Variants in AKAP6 observed in about 807,000 individuals in gnomAD.
The protein encoded by AKAP6 is A-kinase anchor protein 6.
A neutral mutation model predicts 188.5 loss-of-function variants in AKAP6; 58 were observed. That is an observed-to-expected ratio of 0.31 (90% confidence interval 0.25 to 0.38). The LOEUF (loss-of-function observed/expected upper bound fraction) is 0.38. Among genes scored for constraint, AKAP6 ranks in the 10% least tolerant of loss-of-function variants. The pLI is 1.00. For synonymous variants in AKAP6, 989 were observed against 998.6 expected (o/e 0.99, Z 0.18); for missense variants, 2,710 against 2,740.0 (o/e 0.99, Z 0.24).
chr14:32,607,954 A>G lies in AKAP6; in HGVS notation c.2730+7162A>G, dbSNP rs76223031. ...AACTTTTCTTCAAAAATATTTTTTG[A>G]AAGACAGAAACAAAAGTGAGTTACT... On this transcript the variant is annotated intron_variant, in intron 7 of 13. Transcript: ENST00000280979. Among the ~76,000 whole-genome samples, 1,162 of 152,222 alleles carry G rather than the reference A, an allele frequency of 7.6e-3. 17 individuals carry two copies. The highest frequency in any genetic ancestry group is 0.027 in the African/African-American group (1,103 of 41,540).
rs1882649249 is a variant in AKAP6, at chr14:32,535,810, G to T, written c.576+5G>T. 6.2e-7 allele frequency: 1 copy of T among 1,605,060 alleles called. No homozygotes were observed. Among genetic ancestry groups the T allele is most frequent in the Non-Finnish European group, 8.5e-7 (1 of 1,173,548 alleles). On this transcript the variant is annotated splice_donor_5th_base_variant and intron_variant, in intron 3 of 13. Coordinates refer to ENST00000280979, the MANE Select transcript of AKAP6 (RefSeq NM_004274.5). ...TTCTCTGAAGAGACAAAAGAGGTGAGTGTTTTCCTTGAAGTTAAGCAATGC... is the reference window on the plus strand; with the variant it reads ...TTCTCTGAAGAGACAAAAGAGGTGATTGTTTTCCTTGAAGTTAAGCAATGC...
At chr14:32,667,487 A>C (rs1222985722) in intron 7 of AKAP6, among the ~76,000 whole-genome samples, 2 of 152,110 alleles carry the variant, frequency 1.3e-5, no homozygotes, top group Non-Finnish European at 2.9e-5. Flanking sequence ...AAATGACTTG[A>C]TTCAGCACTT....
At chr14:32,766,891 A>C (rs1277134810) in intron 11 of AKAP6, among the ~76,000 whole-genome samples, 1 of 152,216 alleles carries the variant, frequency 6.6e-6, no homozygotes, top group East Asian at 1.9e-4. Flanking sequence ...CTAACCCAAC[A>C]TGATGAATAT....
intron 12 of AKAP6, among the ~76,000 whole-genome samples, chr14:32,800,209 C>T (rs12879052): frequency 1.4e-5 from 2 of 143,102 alleles, no homozygotes; most frequent in African/African-American, 5.4e-5. Flanking sequence ...CATATATATA[C>T]ACACATCTAT....
chr14:32,500,656 C>A (rs1376487877), intron 2 of AKAP6, among the ~76,000 whole-genome samples: 1 of 152,062 alleles, frequency 6.6e-6, no homozygotes, highest in Non-Finnish European at 1.5e-5. Flanking sequence ...CTGAGAAGTT[C>A]TGTACTTTAG....
intron 9 of AKAP6, among the ~76,000 whole-genome samples, chr14:32,732,078 G>A (rs1461313399): frequency 6.6e-6 from 1 of 151,798 alleles, no homozygotes; most frequent in Non-Finnish European, 1.5e-5. Context: ...CTTTGAAACT[G>A]GTCCTTTAGG....
chr14:32,384,051 A>G (rs1264851951), intron 1 of AKAP6, among the ~76,000 whole-genome samples: 4 of 152,210 alleles, frequency 2.6e-5, no homozygotes, highest in Non-Finnish European at 5.9e-5. Flanking sequence ...AACAGCCACC[A>G]GTAATGTGAT....
rs2031093755 is a variant in AKAP6, at chr14:32,729,991, G to A, written c.3001-2463G>A. On this transcript the variant is annotated intron_variant, in intron 9 of 13. Coordinates refer to ENST00000280979, the MANE Select transcript of AKAP6 (RefSeq NM_004274.5). Reference sequence around the variant, plus strand: ...GGATGACCGAAAACTGATAGAGCTGGCAGTTGATTTTCTGAGTCTAATGCT... The same window carrying A: ...GGATGACCGAAAACTGATAGAGCTGACAGTTGATTTTCTGAGTCTAATGCT... Among the ~76,000 whole-genome samples, 4 of 152,028 alleles carry A rather than the reference G, an allele frequency of 2.6e-5. No individual in the cohort carries two copies. In the South Asian group the frequency reaches 8.3e-4, roughly 32 times the overall value.
intron 2 of AKAP6, among the ~76,000 whole-genome samples, chr14:32,483,863 T>TATACTATGATG (rs1177187166): frequency 6.6e-6 from 1 of 151,950 alleles, no homozygotes; most frequent in East Asian, 1.9e-4. Context: ...TGGGCTATGG[T>TATACTATGATG]GGTGGCTGCA....
intron 1 of AKAP6, among the ~76,000 whole-genome samples, chr14:32,393,653 C>G (rs1243737071): frequency 6.6e-6 from 1 of 151,900 alleles, no homozygotes; most frequent in Non-Finnish European, 1.5e-5. Context: ...TTTTGCAACT[C>G]TTTTGTAACT....
At chr14:32,797,089 C>G in intron 12 of AKAP6, among the ~76,000 whole-genome samples, 1 of 152,134 alleles carries the variant, frequency 6.6e-6, no homozygotes, top group Non-Finnish European at 1.5e-5. Flanking sequence ...TACCATCTCA[C>G]GCCAGTCAGA....
At chr14:32,477,201 C>A (rs1879113183) in intron 2 of AKAP6, among the ~76,000 whole-genome samples, 1 of 152,148 alleles carries the variant, frequency 6.6e-6, no homozygotes, top group Non-Finnish European at 1.5e-5. Flanking sequence ...TTCTGAAAAA[C>A]AACTCACATT....
At chr14:32,716,364 A>G (rs2139769838) in intron 9 of AKAP6, among the ~76,000 whole-genome samples, 1 of 151,742 alleles carries the variant, frequency 6.6e-6, no homozygotes, top group East Asian at 1.9e-4. Flanking sequence ...GTATATATAT[A>G]TGCACTGTAT....
intron 1 of AKAP6, among the ~76,000 whole-genome samples, chr14:32,348,072 A>T (rs916398198): frequency 3.9e-5 from 6 of 152,338 alleles, no homozygotes; most frequent in African/African-American, 1.4e-4. Flanking sequence ...GGATAGTAAG[A>T]TACAGATGAA....
intron 7 of AKAP6, among the ~76,000 whole-genome samples, chr14:32,612,919 A>C (rs916895345): frequency 3.3e-5 from 5 of 152,164 alleles, no homozygotes; most frequent in African/African-American, 1.2e-4. Flanking sequence ...AAGGTCTCTA[A>C]ATTGACATAA....
intron 2 of AKAP6, among the ~76,000 whole-genome samples, chr14:32,509,198 C>T (rs556032162): frequency 2.6e-4 from 38 of 147,176 alleles, no homozygotes; most frequent in Non-Finnish European, 5.2e-4. Flanking sequence ...GATCTCGGCT[C>T]ACTGCAACCT....
intron 1 of AKAP6, among the ~76,000 whole-genome samples, chr14:32,417,647 TG>T (rs1889703217): frequency 6.6e-6 from 1 of 152,346 alleles, no homozygotes; most frequent in Admixed American, 6.5e-5. Context: ...TTAACTGTAG[TG>T]TAAAAACTGT....
At chr14:32,367,126 C>A (rs1348553784) in intron 1 of AKAP6, among the ~76,000 whole-genome samples, 1 of 152,180 alleles carries the variant, frequency 6.6e-6, no homozygotes, top group Non-Finnish European at 1.5e-5. Flanking sequence ...CCTGGACTGG[C>A]TCCCATGAAT....
chr14:32,708,591 A>G (rs1890910825), intron 9 of AKAP6, among the ~76,000 whole-genome samples: 1 of 152,090 alleles, frequency 6.6e-6, no homozygotes, highest in Non-Finnish European at 1.5e-5. Flanking sequence ...AAAGTATTAT[A>G]CTATTCATAA....
Sources: allele counts gnomAD v4.1 joint callset (sites outside exome capture counted in the v4.1 genomes callset), GRCh38; gene constraint gnomAD v4.1.1; transcripts MANE v1.5; gene names NCBI Gene and HGNC (gene_info 2026-07-23, HGNC 2026-07-21).